Variants in PITPNA observed in about 807,000 individuals in gnomAD.
PITPNA encodes phosphatidylinositol transfer protein alpha isoform.
Under a neutral mutation model 50.3 loss-of-function variants are expected in PITPNA, and 13 were observed. The ratio of observed to expected loss-of-function variants is 0.26; its 90% CI spans 0.17 to 0.41. The LOEUF is 0.41. Among genes scored for constraint, PITPNA ranks in the 10% least tolerant of loss-of-function variants. The pLI is 1.00. For missense variants in PITPNA, 207 were observed against 333.4 expected, an observed-to-expected ratio of 0.62 and a Z score of 2.95; for synonymous variants, 120 against 119.6, an observed-to-expected ratio of 1.00 and a Z score of -0.02.
Position 1,562,739 on chromosome 17 carries a change from G to T in PITPNA, c.-179C>A, listed in dbSNP as rs1157190893. 1.9e-5 allele frequency: 4 copies of T among 207,136 alleles called. No homozygotes were observed. Among genetic ancestry groups the T allele is most frequent in the Non-Finnish European group, 3.4e-5 (4 of 117,188 alleles). 12.8% of individuals were successfully genotyped at this position (207,136 alleles called of 1,614,324 possible). A position where few individuals can be genotyped will look rare whatever the true frequency, so the allele number is the denominator to read the frequency against. On this transcript the variant is annotated 5_prime_UTR_variant, in exon 1 of 12. Coordinates refer to ENST00000313486, the MANE Select transcript of PITPNA (RefSeq NM_006224.4). The surrounding 1 kb of genome is among the most constrained non-coding windows in gnomAD (Gnocchi z 6.4). ...CGGCTCCTGCCGCCCGGGCCTCGTC[G>T]CCTCTCGCGCCGCTGCCGACGCCGC...
At chr17:1,524,442 TAGAG>T (rs371386038) in intron 10 of PITPNA, among the ~76,000 whole-genome samples, 1 of 151,526 alleles carries the variant, frequency 6.6e-6, no homozygotes, top group Non-Finnish European at 1.5e-5. Context: ...GTATTTTTTG[TAGAG>T]AGAGAGTTTT....
At chr17:1,534,366 A>G (rs1598406298) in intron 9 of PITPNA, 145 bp from the exon 10 acceptor site, 2 of 918,426 alleles carry the variant, frequency 2.2e-6, no homozygotes, top group East Asian at 5.4e-5. Flanking sequence ...GGTTATCTGG[A>G]CCAGCCATGG....
At chr17:1,544,724 G>T (rs962838122) in intron 4 of PITPNA, among the ~76,000 whole-genome samples, 1 of 152,226 alleles carries the variant, frequency 6.6e-6, no homozygotes, top group Admixed American at 6.5e-5. Flanking sequence ...GATCACCTGA[G>T]GTCAGGAGTT....
chr17:1,558,897 T>G (rs2075754128), intron 1 of PITPNA, among the ~76,000 whole-genome samples: 1 of 150,766 alleles, frequency 6.6e-6, no homozygotes, highest in South Asian at 2.1e-4. Context: ...GCCAGCTACT[T>G]CCCAGGCCTC....
chr17:1,554,136 T>A (rs1052946934), intron 2 of PITPNA, among the ~76,000 whole-genome samples: 3 of 152,190 alleles, frequency 2.0e-5, no homozygotes, highest in African/African-American at 4.8e-5. Flanking sequence ...TCTGAGAAGC[T>A]GTCCAGAGGA....
intron 10 of PITPNA, among the ~76,000 whole-genome samples, chr17:1,530,102 C>T (rs773971970): frequency 6.6e-6 from 1 of 151,990 alleles, no homozygotes; most frequent in Non-Finnish European, 1.5e-5. Flanking sequence ...GTGATAGGCA[C>T]ACAGGAAGTC....
chr17:1,554,560 T>C (rs561459148), intron 2 of PITPNA, among the ~76,000 whole-genome samples: 102 of 152,042 alleles, frequency 6.7e-4, no homozygotes, highest in African/African-American at 2.4e-3. Context: ...CTCTTTGAGA[T>C]TAAAACAGAA....
In PITPNA at chr17:1,557,616, G is replaced by A. The variant is rs377461572; in HGVS notation, c.51+913C>T. Among the ~76,000 whole-genome samples, 24 of 152,258 alleles carry A rather than the reference G, an allele frequency of 1.6e-4. No homozygotes were observed. In the South Asian group the frequency reaches 5.0e-3, roughly 32 times the overall value. On this transcript the variant is annotated intron_variant, in intron 2 of 11. Coordinates refer to ENST00000313486, the MANE Select transcript of PITPNA (RefSeq NM_006224.4). ...AAGGGAGGTTCCGTGACAGTTTTCCGTTGTCCAAGAGACTGACTCTGAGTC... is the reference window on the plus strand; with the variant it reads ...AAGGGAGGTTCCGTGACAGTTTTCCATTGTCCAAGAGACTGACTCTGAGTC...
intron 1 of PITPNA, 60 bp from the exon 2 acceptor site, chr17:1,558,619 T>TA: frequency 8.5e-7 from 1 of 1,182,912 alleles, no homozygotes; most frequent in Non-Finnish European, 1.3e-6. Context: ...CAAGGCTCTT[T>TA]AAAGCATCAT....
At chr17:1,537,987 G>C (rs1014341221) in intron 7 of PITPNA, among the ~76,000 whole-genome samples, 1 of 152,116 alleles carries the variant, frequency 6.6e-6, no homozygotes, top group Admixed American at 6.5e-5. Context: ...TTTTAGTAGA[G>C]ATGGGGTTTC....
At chr17:1,558,179 G>C (rs113438199) in intron 2 of PITPNA, among the ~76,000 whole-genome samples, 8,484 of 146,948 alleles carry the variant, frequency 0.058, 304 homozygotes, top group African/African-American at 0.096. Flanking sequence ...TGCAGTGAGC[G>C]GAGATCGCAC....
intron 3 of PITPNA, among the ~76,000 whole-genome samples, chr17:1,551,115 C>T (rs1201294644): frequency 2.0e-5 from 3 of 151,506 alleles, no homozygotes; most frequent in Non-Finnish European, 2.9e-5. Flanking sequence ...GAGAGTGTTG[C>T]GGGGCGGAGT....
intron 2 of PITPNA, among the ~76,000 whole-genome samples, chr17:1,554,906 A>ATCAGTGCTGCC (rs1464100526): frequency 6.6e-6 from 1 of 152,226 alleles, no homozygotes; most frequent in African/African-American, 2.4e-5. Context: ...CCTAAGCTGC[A>ATCAGTGCTGCC]TCAGTGCTGC....
chr17:1,547,649 C>CA (rs931790775), intron 4 of PITPNA, among the ~76,000 whole-genome samples: 74 of 147,360 alleles, frequency 5.0e-4, no homozygotes, highest in African/African-American at 1.1e-3. Context: ...GGCTCCATCT[C>CA]AAAAAAAAAA....
Position 1,519,825 on chromosome 17 carries a change from CAG to C in PITPNA, c.*734_*735del, listed in dbSNP as rs2075498099. 1 of 152,254 alleles carries C rather than the reference CAG, an allele frequency of 6.6e-6. No individual in the cohort carries two copies. Among genetic ancestry groups the C allele is most frequent in the Non-Finnish European group, 1.5e-5 (1 of 68,122 alleles). The allele number at this position is 152,254 out of a possible 1,614,324, so 9.4% of individuals were successfully genotyped here. On this transcript the variant is annotated 3_prime_UTR_variant, in exon 12 of 12. Coordinates refer to ENST00000313486, the MANE Select transcript of PITPNA (RefSeq NM_006224.4). The stretch of plus-strand genomic sequence containing the variant: ...TTGACTGGGGCGATTTTGTAGACTG[CAG>C]AGAGATTCAGAGCGGGCAACAGGAG...
At chr17:1,553,656 C>CAA (rs2151013349) in intron 2 of PITPNA, among the ~76,000 whole-genome samples, 1 of 152,236 alleles carries the variant, frequency 6.6e-6, no homozygotes, top group South Asian at 2.1e-4. Context: ...GTATTAAGAC[C>CAA]CCAGAAGACC....
At chr17:1,546,822 G>A (rs1318324520) in intron 4 of PITPNA, among the ~76,000 whole-genome samples, 1 of 152,206 alleles carries the variant, frequency 6.6e-6, no homozygotes, top group East Asian at 1.9e-4. Context: ...GACTAGAATA[G>A]AAAGTTCTCT....
intron 6 of PITPNA, among the ~76,000 whole-genome samples, chr17:1,540,207 T>C (rs1237778169): frequency 6.6e-6 from 1 of 151,742 alleles, no homozygotes; most frequent in African/African-American, 2.4e-5. Flanking sequence ...CTGTAAACCC[T>C]TCTAGAGATG....
chr17:1,536,175 T>C (rs2075614592), intron 7 of PITPNA, among the ~76,000 whole-genome samples: 1 of 152,180 alleles, frequency 6.6e-6, no homozygotes, highest in Non-Finnish European at 1.5e-5. Context: ...CCCTCTACAT[T>C]GACTAATGTG....
Sources: gnomAD v4.1 joint callset for allele counts (sites outside exome capture counted in the v4.1 genomes callset) on GRCh38, gnomAD v4.1.1 for gene constraint, Gnocchi (gnomAD v3.1) non-coding constraint, MANE v1.5 for transcripts, NCBI Gene and HGNC (gene_info 2026-07-23, HGNC 2026-07-21) for gene names.